Variants in C12orf42 observed in about 807,000 individuals in gnomAD.
C12orf42 encodes the protein uncharacterized protein C12orf42.
Under a neutral mutation model 21.6 loss-of-function variants are expected in C12orf42, and 25 were observed. The observed-to-expected ratio is 1.16, with a 90% CI of 0.84 to 1.62. The LOEUF (loss-of-function observed/expected upper bound fraction) is 1.62, where lower values mean the gene tolerates loss of function less well. Among genes scored for constraint, C12orf42 ranks in the 40% most tolerant of loss-of-function variants. The probability of loss-of-function intolerance (pLI) is 0.00; values close to 1 mark genes in which losing one functional copy is unlikely to be tolerated. For synonymous variants in C12orf42, 174 were observed against 175.0 expected, an observed-to-expected ratio of 0.99 and a Z score of 0.05; for missense variants, 483 against 459.3, an observed-to-expected ratio of 1.05 and a Z score of -0.47.
the C12orf42 span, among the ~76,000 whole-genome samples, chr12:103,523,087 C>A: frequency 1.3e-5 from 2 of 152,244 alleles, no homozygotes; most frequent in African/African-American, 4.8e-5. Context: ...CCATCTGCTA[C>A]ATCTAACTTA....
At chr12:103,495,809 G>C (rs1291030627) in intron 1 of C12orf42, 93 bp downstream of exon 1, 2 of 152,204 alleles carry the variant, frequency 1.3e-5, no homozygotes, top group African/African-American at 4.8e-5. Context: ...TCTTCTCACG[G>C]GCGCGGCTGG....
the C12orf42 span, among the ~76,000 whole-genome samples, chr12:103,217,600 C>T: frequency 2.6e-5 from 4 of 151,922 alleles, no homozygotes; most frequent in African/African-American, 9.7e-5. Context: ...ACTGCTCACT[C>T]CAGAACACCG....
chr12:103,140,377 G>A, the C12orf42 span, among the ~76,000 whole-genome samples: 1 of 152,130 alleles, frequency 6.6e-6, no homozygotes, highest in Non-Finnish European at 1.5e-5. Context: ...GCCAACCTAT[G>A]TCTCTTAATT....
downstream of C12orf42, chr12:103,267,958 C>T (rs999858850): frequency 7.2e-5 from 11 of 152,054 alleles, no homozygotes; most frequent in Admixed American, 7.2e-4. Flanking sequence ...CTATATTAGA[C>T]TCTACTTTTC....
intron 10 of C12orf42, among the ~76,000 whole-genome samples, chr12:103,255,193 A>T (rs1232821442): frequency 6.6e-6 from 1 of 152,054 alleles, no homozygotes; most frequent in Non-Finnish European, 1.5e-5. Flanking sequence ...CAACATGGTG[A>T]AATCCCGTCT....
At chr12:103,501,967 T>C in the C12orf42 span, among the ~76,000 whole-genome samples, 2 of 152,172 alleles carry the variant, frequency 1.3e-5, no homozygotes, top group Admixed American at 6.5e-5. Flanking sequence ...CTGCGCTACA[T>C]TGAAAGCAAT....
chr12:103,311,953 T>C (rs887067148), intron 4 of C12orf42, among the ~76,000 whole-genome samples: 3 of 152,208 alleles, frequency 2.0e-5, no homozygotes, highest in African/African-American at 7.2e-5. Flanking sequence ...AGTCAAACAA[T>C]CATGAATATA....
At chr12:103,367,660 T>C (rs746680560) in intron 4 of C12orf42, among the ~76,000 whole-genome samples, 6 of 151,890 alleles carry the variant, frequency 4.0e-5, no homozygotes, top group Admixed American at 2.0e-4. Context: ...AAAAGTGTTT[T>C]CCCATGGGAG....
chr12:103,497,164 T>A (rs1955582881), upstream of C12orf42, among the ~76,000 whole-genome samples: 1 of 152,244 alleles, frequency 6.6e-6, no homozygotes, highest in Admixed American at 6.5e-5. Flanking sequence ...TTTCTTTTTA[T>A]CATTCATATG....
At chr12:103,337,063 C>T (rs1012412956) in intron 4 of C12orf42, among the ~76,000 whole-genome samples, 9 of 152,200 alleles carry the variant, frequency 5.9e-5, no homozygotes, top group African/African-American at 2.2e-4. Context: ...AAATGTCATT[C>T]TGCAATGTTA....
At chr12:103,337,796 C>T (rs1264277564) in intron 4 of C12orf42, among the ~76,000 whole-genome samples, 1 of 152,138 alleles carries the variant, frequency 6.6e-6, no homozygotes, top group Non-Finnish European at 1.5e-5. Context: ...ACTTACACCA[C>T]TAAGAAGAGC....
Position 103,295,299 on chromosome 12 carries a change from G to A in C12orf42, n.338-18089C>T, listed in dbSNP as rs559253026. Among the ~76,000 whole-genome samples the A allele has an allele frequency of 3.3e-5, 5 of 152,108 alleles. No homozygotes were observed. The South Asian group carries it at 8.3e-4, about 25-fold the overall frequency. ...GTTTTAGAGTCTTTTATAGAGAGCC[G>A]AACTAAAAGATCACATTTGGAGGAT... On this transcript the variant is annotated intron_variant and non_coding_transcript_variant, in intron 4 of 6. Transcript: ENST00000546526.
the C12orf42 span, among the ~76,000 whole-genome samples, chr12:103,145,785 G>T: frequency 6.6e-6 from 1 of 152,076 alleles, no homozygotes; most frequent in Non-Finnish European, 1.5e-5. Context: ...GAAATACTTT[G>T]CAATCATTGA....
At chr12:103,340,239 C>T (rs566909345) in intron 4 of C12orf42, among the ~76,000 whole-genome samples, 19 of 152,208 alleles carry the variant, frequency 1.2e-4, no homozygotes, top group Non-Finnish European at 2.5e-4. Flanking sequence ...CTCAAGTATT[C>T]AGCAGAGTAT....
chr12:103,072,217 GT>G, the C12orf42 span, among the ~76,000 whole-genome samples: 1 of 152,118 alleles, frequency 6.6e-6, no homozygotes, highest in South Asian at 2.1e-4. Context: ...CATGGTAAGA[GT>G]TCATCATTCA....
chr12:103,095,097 G>A, the C12orf42 span, among the ~76,000 whole-genome samples: 1 of 152,162 alleles, frequency 6.6e-6, no homozygotes, highest in Non-Finnish European at 1.5e-5. Context: ...CTGCTACTCT[G>A]TTTTAAGCTG....
At chr12:103,459,085 A>G (rs185603106) in intron 2 of C12orf42, among the ~76,000 whole-genome samples, 11 of 152,174 alleles carry the variant, frequency 7.2e-5, no homozygotes, top group Non-Finnish European at 1.5e-4. Flanking sequence ...CATGCAGTCT[A>G]AGAAAATATC....
the C12orf42 span, among the ~76,000 whole-genome samples, chr12:103,507,485 C>T: frequency 6.4e-5 from 9 of 140,640 alleles, no homozygotes; most frequent in African/African-American, 2.4e-4. Context: ...GCCCGGGTAA[C>T]ATAGTGATAC....
At chr12:103,501,755 A>G in the C12orf42 span, among the ~76,000 whole-genome samples, 1 of 152,144 alleles carries the variant, frequency 6.6e-6, no homozygotes, top group African/African-American at 2.4e-5. Context: ...CCTAATTTAC[A>G]CAAAAGCACC....
Sources: gnomAD v4.1 joint callset for allele counts (sites outside exome capture counted in the v4.1 genomes callset) on GRCh38, gnomAD v4.1.1 for gene constraint, MANE v1.5 for transcripts, NCBI Gene and HGNC (gene_info 2026-07-23, HGNC 2026-07-21) for gene names.